Variants in RALGPS2 observed in about 807,000 individuals in gnomAD.
The protein encoded by RALGPS2 is ras-specific guanine nucleotide-releasing factor RalGPS2.
A neutral mutation model predicts 86.8 loss-of-function variants in RALGPS2; 43 were observed. That is an observed-to-expected ratio of 0.50 (90% CI 0.39 to 0.64). RALGPS2 has a LOEUF of 0.64. Among genes scored for constraint, RALGPS2 ranks in the 30% least tolerant of loss-of-function variants. RALGPS2 has a pLI of 0.00. For synonymous variants in RALGPS2, 243 were observed against 231.3 expected (o/e 1.05, Z -0.46); for missense variants, 536 against 694.6 (o/e 0.77, Z 2.57).
At chr1:178,751,676 G>A (rs1303486705) in intron 1 of RALGPS2, among the ~76,000 whole-genome samples, 2 of 152,112 alleles carry the variant, frequency 1.3e-5, no homozygotes, top group East Asian at 3.9e-4. Flanking sequence ...TGGTCATTGG[G>A]TGGCCTCCGG....
At chr1:178,740,205 C>T (rs1328945773) in intron 1 of RALGPS2, among the ~76,000 whole-genome samples, 1 of 152,126 alleles carries the variant, frequency 6.6e-6, no homozygotes, top group African/African-American at 2.4e-5. Context: ...TTTTGAGTCC[C>T]AGAGTAGTAG....
intron 6 of RALGPS2, among the ~76,000 whole-genome samples, chr1:178,814,405 C>T (rs1394133765): frequency 6.6e-6 from 1 of 152,092 alleles, no homozygotes; most frequent in African/African-American, 2.4e-5. Flanking sequence ...ATACAGAGTT[C>T]GTACTAGCAG....
intron 4 of RALGPS2, among the ~76,000 whole-genome samples, chr1:178,801,014 C>T (rs1038205448): frequency 7.9e-5 from 12 of 151,998 alleles, no homozygotes; most frequent in African/African-American, 2.7e-4. Flanking sequence ...GCAAACTCCA[C>T]CTCCTGGGTT....
intron 4 of RALGPS2, among the ~76,000 whole-genome samples, chr1:178,790,388 T>G (rs1015246785): frequency 6.6e-6 from 1 of 152,228 alleles, no homozygotes; most frequent in African/African-American, 2.4e-5. Context: ...TAACAAAGCA[T>G]AGTAAATAAT....
chr1:178,907,477 T>A (rs1660437388), intron 19 of RALGPS2, among the ~76,000 whole-genome samples: 1 of 152,200 alleles, frequency 6.6e-6, no homozygotes, highest in Non-Finnish European at 1.5e-5. Flanking sequence ...TTTTGTTTGC[T>A]TTTATTTTAC....
intron 7 of RALGPS2, among the ~76,000 whole-genome samples, chr1:178,828,731 A>G (rs1404363655): frequency 6.6e-6 from 1 of 152,164 alleles, no homozygotes; most frequent in Non-Finnish European, 1.5e-5. Context: ...ATCATCTCAC[A>G]CCTGTTAGAA....
intron 8 of RALGPS2, among the ~76,000 whole-genome samples, chr1:178,864,434 G>A (rs1204491849): frequency 6.6e-6 from 1 of 152,106 alleles, no homozygotes; most frequent in Non-Finnish European, 1.5e-5. Context: ...CAAAACCCAG[G>A]ACCTGATTAG....
intron 2 of RALGPS2, among the ~76,000 whole-genome samples, chr1:178,780,164 C>G (rs568245193): frequency 2.6e-5 from 4 of 152,224 alleles, no homozygotes; most frequent in African/African-American, 9.6e-5. Flanking sequence ...TTTCCATATT[C>G]TGCTGGTTAG....
At chr1:178,913,864 A>G (rs573337750) in intron 19 of RALGPS2, among the ~76,000 whole-genome samples, 2 of 152,244 alleles carry the variant, frequency 1.3e-5, no homozygotes, top group East Asian at 3.9e-4. Flanking sequence ...GGGTGGACCA[A>G]GGTGCTCCCA....
At chr1:178,830,408 C>T (rs939436449) in intron 7 of RALGPS2, among the ~76,000 whole-genome samples, 1 of 151,940 alleles carries the variant, frequency 6.6e-6, no homozygotes, top group East Asian at 1.9e-4. Flanking sequence ...AATGAAGAAC[C>T]CAGAAATACC....
At chr1:178,796,768 G>A (rs925967006) in intron 4 of RALGPS2, among the ~76,000 whole-genome samples, 3 of 152,136 alleles carry the variant, frequency 2.0e-5, no homozygotes, top group Non-Finnish European at 2.9e-5. Flanking sequence ...TTCTTTCATA[G>A]GGTAGGTGGT....
At chr1:178,880,201 T>C (rs1659184468) in intron 10 of RALGPS2, among the ~76,000 whole-genome samples, 1 of 152,214 alleles carries the variant, frequency 6.6e-6, no homozygotes, top group African/African-American at 2.4e-5. Flanking sequence ...AAATATTTTT[T>C]ATCTTCCTTT....
intron 8 of RALGPS2, among the ~76,000 whole-genome samples, chr1:178,875,275 GAC>G (rs1382469514): frequency 1.3e-5 from 2 of 152,076 alleles, no homozygotes; most frequent in Non-Finnish European, 2.9e-5. Context: ...CAATTTTCCT[GAC>G]ACATGTGTAT....
At chr1:178,845,883 C>T (rs925517323) in intron 8 of RALGPS2, among the ~76,000 whole-genome samples, 2 of 152,116 alleles carry the variant, frequency 1.3e-5, no homozygotes, top group African/African-American at 2.4e-5. Context: ...TTTTCTATAT[C>T]CTGGAAGAGA....
intron 1 of RALGPS2, among the ~76,000 whole-genome samples, chr1:178,765,558 C>T (rs560795146): frequency 1.8e-4 from 27 of 152,186 alleles, no homozygotes; most frequent in African/African-American, 5.3e-4. Context: ...AATGAAGTTT[C>T]GGGCACGCAT....
chr1:178,747,864 T>C lies in RALGPS2; in HGVS notation c.-84+22445T>C, dbSNP rs896893446. On this transcript the variant is annotated intron_variant, in intron 1 of 19. Transcript: ENST00000367635. ...CATTAATCATAATGTTAATAGTTAC[T>C]AAATAAATGGGAATTAAAATCAGTG... 3.5e-5 allele frequency: 20 copies of C among 575,022 alleles called. No homozygotes were observed. The Admixed American group carries it at 4.9e-4, about 14-fold the overall frequency. The allele number at this position is 575,022 out of a possible 1,614,324, so 35.6% of individuals were successfully genotyped here.
chr1:178,889,797 G>A (rs1659645389), intron 14 of RALGPS2, 101 bp downstream of exon 14: 1 of 768,256 alleles, frequency 1.3e-6, no homozygotes, highest in Non-Finnish European at 2.1e-6. Context: ...ATATCCCTAA[G>A]CGATTAAGTT....
rs533625817 is a variant in RALGPS2 at position 178,743,482 on chromosome 1, TGATAAA to T, written c.-84+18067_-84+18072del. On this transcript the variant is annotated intron_variant, in intron 1 of 19. Transcript: ENST00000367635. ...ATGAAAGCAATTACAGTAAAGGAAA[TGATAAA>T]GATCAGTGTGGAAATTGTTTTTAAA... Among the ~76,000 whole-genome samples the T allele has an allele frequency of 1.6e-4, 24 of 152,292 alleles. No homozygotes were observed. In the South Asian group the frequency reaches 5.0e-3, roughly 32 times the overall value.
At chr1:178,728,657 A>G (rs1650166528) in intron 1 of RALGPS2, among the ~76,000 whole-genome samples, 1 of 152,116 alleles carries the variant, frequency 6.6e-6, no homozygotes, top group African/African-American at 2.4e-5. Context: ...TGGAGAGGAA[A>G]ATGAATGTAT....
Sources: gnomAD v4.1 joint callset for allele counts (sites outside exome capture counted in the v4.1 genomes callset) on GRCh38, gnomAD v4.1.1 for gene constraint, MANE v1.5 for transcripts, NCBI Gene and HGNC (gene_info 2026-07-23, HGNC 2026-07-21) for gene names.